The following GDAP2 variants were observed in gnomAD, a reference collection of about 807,000 sequenced individuals.
GDAP2 encodes ganglioside-induced differentiation-associated protein 2.
A neutral mutation model predicts 67.0 loss-of-function variants in GDAP2; 51 were observed. The ratio of observed to expected loss-of-function variants is 0.76; its 90% CI spans 0.61 to 0.96. The LOEUF (loss-of-function observed/expected upper bound fraction) is 0.96, where lower values mean the gene tolerates loss of function less well. Among genes scored for constraint, GDAP2 ranks in the 40% least tolerant of loss-of-function variants. The pLI is 0.00. For missense variants in GDAP2, 547 were observed against 588.3 expected (o/e 0.93, Z 0.73); for synonymous variants, 203 against 207.3 (o/e 0.98, Z 0.18).
chr1:117,912,867 G>C (rs1649909131), intron 3 of GDAP2, among the ~76,000 whole-genome samples, 184 bp from the exon 4 acceptor site: 1 of 152,106 alleles, frequency 6.6e-6, no homozygotes, highest in Non-Finnish European at 1.5e-5. Flanking sequence ...CAATACAATA[G>C]GTATAAGCAC....
At chr1:117,921,481 G>T (rs958568228) in intron 1 of GDAP2, among the ~76,000 whole-genome samples, 1 of 152,182 alleles carries the variant, frequency 6.6e-6, no homozygotes, top group African/African-American at 2.4e-5. Flanking sequence ...ACCACATGAA[G>T]CTCTGGGAGA....
At position 117,889,327 on chromosome 1, in the gene GDAP2, G is replaced by A. The variant is rs976617692; in HGVS notation, c.954-1553C>T. 5.9e-5 allele frequency among the ~76,000 whole-genome samples: 9 copies of A among 151,424 alleles called. No homozygotes were observed. In the East Asian group the frequency reaches 1.4e-3, roughly 23 times the overall value. ...CACATATTTATCATTTTTTTTTGGT[G>A]AGAACAGTTAAAATGTATTCTTTTA... On this transcript the variant is annotated intron_variant, in intron 8 of 13. Coordinates refer to ENST00000369443, the MANE Select transcript of GDAP2 (RefSeq NM_017686.4).
intron 1 of GDAP2, among the ~76,000 whole-genome samples, chr1:117,923,192 C>T (rs990967183): frequency 2.0e-5 from 3 of 152,182 alleles, no homozygotes; most frequent in African/African-American, 7.2e-5. Context: ...TTTAAACACA[C>T]ATGCTCTACA....
At chr1:117,910,151 GA>G (rs1423263931) in intron 5 of GDAP2, among the ~76,000 whole-genome samples, 2 of 152,100 alleles carry the variant, frequency 1.3e-5, no homozygotes, top group Admixed American at 6.6e-5. Flanking sequence ...CAAGCATAAT[GA>G]ATCATCTAGT....
In GDAP2 at chr1:117,924,784, TTGG is replaced by T. The variant is rs539273362; in HGVS notation, c.-67-4363_-67-4361del. Among the ~76,000 whole-genome samples the T allele has an allele frequency of 2.0e-5, 3 of 152,294 alleles. No individual in the cohort carries two copies. In the South Asian group the frequency reaches 6.2e-4, roughly 32 times the overall value. On this transcript the variant is annotated intron_variant, in intron 1 of 13. Coordinates refer to ENST00000369443, the MANE Select transcript of GDAP2 (RefSeq NM_017686.4). ...TAAAGAAATTAATTTTACCTAAAAG[TTGG>T]TGTTTAGTCCATCAAATTGGTCTTT...
chr1:117,927,944 T>G (rs1209991335), intron 1 of GDAP2, among the ~76,000 whole-genome samples: 2 of 152,240 alleles, frequency 1.3e-5, no homozygotes, highest in African/African-American at 4.8e-5. Flanking sequence ...AGTTACATCC[T>G]TGAAACATTG....
intron 8 of GDAP2, among the ~76,000 whole-genome samples, chr1:117,894,852 C>T (rs573672715): frequency 1.3e-5 from 2 of 152,270 alleles, no homozygotes; most frequent in East Asian, 3.9e-4. Flanking sequence ...TAAATATATA[C>T]ATATTTGAAA....
chr1:117,927,720 G>A (rs1211271406), intron 1 of GDAP2, among the ~76,000 whole-genome samples: 2 of 152,152 alleles, frequency 1.3e-5, no homozygotes, highest in South Asian at 2.1e-4. Flanking sequence ...ACTAACTGAA[G>A]TAGTCAAATA....
At chr1:117,909,748 C>T (rs1386667050) in intron 5 of GDAP2, among the ~76,000 whole-genome samples, 1 of 152,094 alleles carries the variant, frequency 6.6e-6, no homozygotes, top group East Asian at 1.9e-4. Flanking sequence ...GTCCCTTATA[C>T]CCATTATTGA....
chr1:117,910,225 A>T (rs2101152711), intron 5 of GDAP2, among the ~76,000 whole-genome samples: 1 of 152,216 alleles, frequency 6.6e-6, no homozygotes, highest in South Asian at 2.1e-4. Flanking sequence ...AAGTCTGCAT[A>T]ACCCTCATAA....
In GDAP2 at chr1:117,918,391, A is replaced by G. The variant is rs568226516; in HGVS notation, c.316+206T>C. Among the ~76,000 whole-genome samples, 4 of 152,358 alleles carry G rather than the reference A, an allele frequency of 2.6e-5. No homozygotes were observed. The East Asian group carries it at 7.7e-4, about 29-fold the overall frequency. ...AGGACAAAGAAGTTTTACTGGTAGTAAATTCTCAGGACTCAGTTTTTAACA... is the reference window on the plus strand; with the variant it reads ...AGGACAAAGAAGTTTTACTGGTAGTGAATTCTCAGGACTCAGTTTTTAACA... On this transcript the variant is annotated intron_variant, in intron 3 of 13. Coordinates refer to ENST00000369443, the MANE Select transcript of GDAP2 (RefSeq NM_017686.4).
At chr1:117,926,526 A>C (rs1306094259) in intron 1 of GDAP2, among the ~76,000 whole-genome samples, 1 of 152,238 alleles carries the variant, frequency 6.6e-6, no homozygotes, top group African/African-American at 2.4e-5. Context: ...CAGAGGTTGA[A>C]TTCTTTTTCA....
At position 117,916,439 on chromosome 1, in the gene GDAP2, T is replaced by C. The variant is rs561981505; in HGVS notation, c.316+2158A>G. On this transcript the variant is annotated intron_variant, in intron 3 of 13. Transcript: ENST00000369443. ...GACATGGGGATCAGTTTAAGGAGTT[T>C]AGAATTTAAGTTTAATGAGAGGCCA... Among the ~76,000 whole-genome samples the C allele has an allele frequency of 1.6e-4, 25 of 152,196 alleles. No individual in the cohort carries two copies. The South Asian group carries it at 4.6e-3, about 28-fold the overall frequency.
chr1:117,925,224 G>A (rs111969700), intron 1 of GDAP2, among the ~76,000 whole-genome samples: 3 of 152,232 alleles, frequency 2.0e-5, no homozygotes, highest in East Asian at 3.9e-4. Flanking sequence ...AGGCTGAGGC[G>A]GGGAGATCAC....
At chr1:117,911,963 A>G in intron 5 of GDAP2, 31 bp downstream of exon 5, 1 of 1,261,816 alleles carries the variant, frequency 7.9e-7, no homozygotes, top group Non-Finnish European at 1.2e-6. Flanking sequence ...TTAAGATTCA[A>G]TTCATGTACA....
chr1:117,883,312 C>CAAAAA, intron 11 of GDAP2, 176 bp downstream of exon 11: 1 of 507,782 alleles, frequency 2.0e-6, no homozygotes. Context: ...TACTTTAATG[C>CAAAAA]AAAATAAGTT....
At chr1:117,903,850 A>T (rs1267915087) in intron 6 of GDAP2, among the ~76,000 whole-genome samples, 3 of 152,204 alleles carry the variant, frequency 2.0e-5, no homozygotes, top group Admixed American at 6.5e-5. Context: ...ATCAAAGATG[A>T]ATGTAAGGAG....
At chr1:117,927,437 T>C (rs1168923109) in intron 1 of GDAP2, among the ~76,000 whole-genome samples, 1 of 152,180 alleles carries the variant, frequency 6.6e-6, no homozygotes. Flanking sequence ...ACTTTTAACC[T>C]GTTTACCTGT....
intron 1 of GDAP2, among the ~76,000 whole-genome samples, chr1:117,921,620 G>A (rs552244570): frequency 7.0e-4 from 106 of 152,324 alleles, no homozygotes; most frequent in Non-Finnish European, 1.0e-3. Context: ...GGTAGGTGAT[G>A]AGGTTGGTAA....
Sources: allele counts gnomAD v4.1 joint callset (sites outside exome capture counted in the v4.1 genomes callset), GRCh38; gene constraint gnomAD v4.1.1; transcripts MANE v1.5; gene names NCBI Gene and HGNC (gene_info 2026-07-23, HGNC 2026-07-21).